Variants in CDK13 observed in about 807,000 individuals in gnomAD.
CDK13 encodes cyclin dependent kinase 13.
Under a neutral mutation model 137.6 loss-of-function variants are expected in CDK13, and 40 were observed. That is an observed-to-expected ratio of 0.29 (90% CI 0.23 to 0.38). The LOEUF is 0.38. Among genes scored for constraint, CDK13 ranks in the 10% least tolerant of loss-of-function variants. The pLI, the probability that CDK13 is intolerant of heterozygous loss-of-function variation, is 1.00. For synonymous variants in CDK13, 869 were observed against 760.1 expected, an observed-to-expected ratio of 1.14 and a Z score of -2.36; for missense variants, 1,704 against 1,951.8, an observed-to-expected ratio of 0.87 and a Z score of 2.39.
chr7:40,039,176 G>A (rs923426397), intron 5 of CDK13, among the ~76,000 whole-genome samples: 1 of 151,844 alleles, frequency 6.6e-6, no homozygotes, highest in South Asian at 2.1e-4. Flanking sequence ...TCTTTTTTCG[G>A]ATGAGCTAAT....
At position 40,062,915 on chromosome 7, in the gene CDK13, T is replaced by C. The variant is rs778377380; in HGVS notation, c.2690T>C (p.Val897Ala). Residue 897 changes from valine (V) to alanine (A), a missense_variant, in exon 8 of 14, where the codon GTA becomes GCA. Transcript: ENST00000181839. ...GEERYTPAID[V>A]WSCGCILGEL... ...GAACGATACACACCAGCCATTGATG[T>C]ATGGAGCTGTGGGTAAGATAGCCTT... 6.2e-7 allele frequency: 1 copy of C among 1,612,928 alleles called. No homozygotes were observed. Among genetic ancestry groups the C allele is most frequent in the East Asian group, 2.2e-5 (1 of 44,856 alleles).
chr7:40,037,806 A>G (rs1202554302), intron 5 of CDK13, among the ~76,000 whole-genome samples: 2 of 152,218 alleles, frequency 1.3e-5, no homozygotes, highest in Admixed American at 6.5e-5. Context: ...CAAAGTAACA[A>G]TGCTGATATT....
Position 40,094,945 on chromosome 7 carries a change from A to G in CDK13, c.4504A>G (p.Thr1502Ala), listed in dbSNP as rs201486394. 4.9e-6 allele frequency: 7 copies of G among 1,438,006 alleles called. No homozygotes were observed. Among genetic ancestry groups the G allele is most frequent in the South Asian group, 1.8e-5 (1 of 55,378 alleles). 89.1% of individuals were successfully genotyped at this position (1,438,006 alleles called of 1,614,324 possible). The change falls in exon 14 of 14, where the codon ACT becomes GCT. Residue 1502 changes from threonine to alanine, a missense_variant. This residue lies in a region of CDK13 where 475 missense variants were observed against 579.3 expected (regional missense o/e 0.82). Coordinates refer to ENST00000181839, the MANE Select transcript of CDK13 (RefSeq NM_003718.5). ...QGYRGHISTS[T>A]GRGRGRGLPY The stretch of plus-strand genomic sequence containing the variant: ...ATACAGGGGACATATTAGCACATCA[A>G]CTGGCAGAGGCAGAGGCAGAGGGTT...
chr7:39,995,579 A>G (rs1188805440), intron 2 of CDK13, among the ~76,000 whole-genome samples: 4 of 152,200 alleles, frequency 2.6e-5, no homozygotes, highest in Non-Finnish European at 5.9e-5. Context: ...TTTGAAAGAA[A>G]CTATAGCTTA....
chr7:40,081,353 C>G (rs911084387), intron 11 of CDK13, among the ~76,000 whole-genome samples: 4 of 152,056 alleles, frequency 2.6e-5, no homozygotes, highest in Non-Finnish European at 5.9e-5. Context: ...TAAATGCTGA[C>G]ATTTTTAAGT....
At chr7:40,060,551 G>A (rs1165513583) in intron 7 of CDK13, among the ~76,000 whole-genome samples, 2 of 152,116 alleles carry the variant, frequency 1.3e-5, no homozygotes, top group Admixed American at 6.6e-5. Flanking sequence ...CATTGTTTGG[G>A]CTTTGTGTGT....
At chr7:39,953,557 G>C (rs2116086190) in intron 1 of CDK13, among the ~76,000 whole-genome samples, 1 of 152,288 alleles carries the variant, frequency 6.6e-6, no homozygotes, top group African/African-American at 2.4e-5. Flanking sequence ...ATCGTGGTAT[G>C]TATGACTAGG....
At chr7:39,961,544 C>G (rs1192639266) in intron 1 of CDK13, among the ~76,000 whole-genome samples, 1 of 152,136 alleles carries the variant, frequency 6.6e-6, no homozygotes, top group Non-Finnish European at 1.5e-5. Context: ...ATTCTACTCC[C>G]TACTTCTATG....
intron 5 of CDK13, among the ~76,000 whole-genome samples, chr7:40,019,190 T>G (rs544032277): frequency 2.2e-4 from 33 of 152,374 alleles, no homozygotes; most frequent in Non-Finnish European, 4.0e-4. Context: ...ATATATTTAC[T>G]GTCTTAATAG....
intron 7 of CDK13, among the ~76,000 whole-genome samples, chr7:40,057,167 A>G (rs1244926974): frequency 6.6e-6 from 1 of 152,188 alleles, no homozygotes; most frequent in Non-Finnish European, 1.5e-5. Flanking sequence ...AGGCAGGAGA[A>G]TCGCTTGAAC....
chr7:40,050,104 C>T (rs926140520), intron 7 of CDK13, among the ~76,000 whole-genome samples: 6 of 151,916 alleles, frequency 3.9e-5, no homozygotes, highest in African/African-American at 1.2e-4. Flanking sequence ...CTCAGCCTAC[C>T]GATAGCTGGG....
chr7:40,010,876 A>T (rs1784879907), intron 5 of CDK13, among the ~76,000 whole-genome samples: 1 of 152,320 alleles, frequency 6.6e-6, no homozygotes. Flanking sequence ...ACAAGTAATG[A>T]ACAAAGTAGA....
intron 1 of CDK13, among the ~76,000 whole-genome samples, chr7:39,977,794 A>G (rs1271607809): frequency 6.6e-6 from 1 of 152,158 alleles, no homozygotes; most frequent in Non-Finnish European, 1.5e-5. Flanking sequence ...CACTGGGCCC[A>G]GTGTGTGATG....
chr7:39,959,684 C>T (rs992289279), intron 1 of CDK13, among the ~76,000 whole-genome samples: 6 of 152,116 alleles, frequency 3.9e-5, no homozygotes, highest in South Asian at 4.2e-4. Context: ...AGGCTGGTCT[C>T]GAACTCTTGA....
At chr7:40,052,365 C>T (rs1037825900) in intron 7 of CDK13, among the ~76,000 whole-genome samples, 3 of 152,042 alleles carry the variant, frequency 2.0e-5, no homozygotes, top group African/African-American at 4.8e-5. Context: ...TTAGTAGAGA[C>T]GGGGTTTCAC....
intron 5 of CDK13, among the ~76,000 whole-genome samples, chr7:40,008,860 C>T (rs555151565): frequency 2.0e-5 from 3 of 152,178 alleles, no homozygotes; most frequent in East Asian, 1.9e-4. Flanking sequence ...AAATAGTCTG[C>T]GTTCTACATT....
Position 40,095,036 on chromosome 7 carries a change from A to T in CDK13, c.*56A>T. The T allele has an allele frequency of 7.6e-7, 1 of 1,317,816 alleles. No individual in the cohort carries two copies. 81.6% of individuals were successfully genotyped at this position (1,317,816 alleles called of 1,614,324 possible). A position where few individuals can be genotyped will look rare whatever the true frequency, so the allele number is the denominator to read the frequency against. On this transcript the variant is annotated 3_prime_UTR_variant, in exon 14 of 14. Coordinates refer to ENST00000181839, the MANE Select transcript of CDK13 (RefSeq NM_003718.5). ...TATCTGGAAAGACTTTTCTAGCTGC[A>T]ATTTAAGGCAGCAATCCAAGAGACT...
intron 11 of CDK13, among the ~76,000 whole-genome samples, chr7:40,081,615 C>T (rs957259414): frequency 1.3e-5 from 2 of 152,102 alleles, no homozygotes; most frequent in Admixed American, 6.5e-5. Flanking sequence ...TTAAATTTCA[C>T]GTTTCCTGTG....
At chr7:40,039,434 ATTTTTTTTTTTT>A (rs976319927) in intron 5 of CDK13, among the ~76,000 whole-genome samples, 1 of 84,996 alleles carries the variant, frequency 1.2e-5, no homozygotes, top group Non-Finnish European at 2.1e-5. Flanking sequence ...TGCCCGGCTA[ATTTTTTTTTTTT>A]TTTTTTTTTT....
Sources: allele counts gnomAD v4.1 joint callset (sites outside exome capture counted in the v4.1 genomes callset), GRCh38; gene constraint gnomAD v4.1.1; regional missense constraint gnomAD v4.1.1; transcripts MANE v1.5; gene names NCBI Gene and HGNC (gene_info 2026-07-23, HGNC 2026-07-21).